Variants in TMEM132D observed in about 807,000 individuals in gnomAD.
The protein encoded by TMEM132D is mature OL transmembrane protein.
TMEM132D carries 21 observed loss-of-function variants against 62.3 expected under a neutral mutation model. The observed-to-expected ratio is 0.34, with a 90% CI of 0.24 to 0.49. The LOEUF is 0.49. Among genes scored for constraint, TMEM132D ranks in the 20% least tolerant of loss-of-function variants. TMEM132D has a pLI of 0.99. For synonymous variants in TMEM132D, 621 were observed against 575.6 expected (o/e 1.08, Z -1.13); for missense variants, 1,346 against 1,402.8 (o/e 0.96, Z 0.65).
chr12:129,878,909 CTT>C (rs1327364712), intron 1 of TMEM132D, among the ~76,000 whole-genome samples: 1 of 152,172 alleles, frequency 6.6e-6, no homozygotes, highest in Non-Finnish European at 1.5e-5. Context: ...ATACACCTGT[CTT>C]GGCACCTGGA....
intron 3 of TMEM132D, among the ~76,000 whole-genome samples, chr12:129,492,500 A>G (rs1874826262): frequency 6.6e-6 from 1 of 152,174 alleles, no homozygotes; most frequent in African/African-American, 2.4e-5. Context: ...AAATATAACT[A>G]CATGTAGCCC....
intron 2 of TMEM132D, among the ~76,000 whole-genome samples, chr12:129,541,770 C>A (rs1180474772): frequency 6.6e-6 from 1 of 152,174 alleles, no homozygotes; most frequent in African/African-American, 2.4e-5. Flanking sequence ...ATAATGAACC[C>A]TAAGCCATGT....
In TMEM132D at chr12:129,531,172, G is replaced by A. The variant is rs943908670; in HGVS notation, c.1002C>T (p.Gly334=). 18 of 1,612,978 alleles carry A rather than the reference G, an allele frequency of 1.1e-5. No individual in the cohort carries two copies. Among genetic ancestry groups the A allele is most frequent in the Non-Finnish European group, 1.4e-5 (17 of 1,179,756 alleles). Residue 334 remains glycine, a synonymous_variant, in exon 3 of 9, where the codon GGC becomes GGT. Coordinates refer to ENST00000422113, the MANE Select transcript of TMEM132D (RefSeq NM_133448.3). Reference sequence around the variant, plus strand: ...AAATGGAAGGGCTGCTGGCTCGCACGCCGATGATGTTCACGCCTTTCTTCA... The same window carrying A: ...AAATGGAAGGGCTGCTGGCTCGCACACCGATGATGTTCACGCCTTTCTTCA... The part of the protein sequence containing the change: ...AKVKKGVNII[G]VRASSPSIWD...
At chr12:129,519,940 CA>C (rs1193221360) in intron 3 of TMEM132D, among the ~76,000 whole-genome samples, 3 of 152,088 alleles carry the variant, frequency 2.0e-5, no homozygotes, top group Non-Finnish European at 2.9e-5. Flanking sequence ...ATCAAGGAAA[CA>C]ACCAGGAGAA....
chr12:129,618,348 C>T (rs577952560), intron 2 of TMEM132D, among the ~76,000 whole-genome samples: 1 of 152,256 alleles, frequency 6.6e-6, no homozygotes, highest in African/African-American at 2.4e-5. Context: ...ATGCTTCAGC[C>T]ATCATACCAA....
intron 1 of TMEM132D, among the ~76,000 whole-genome samples, chr12:129,770,247 G>A (rs189394364): frequency 5.3e-4 from 76 of 143,642 alleles, no homozygotes; most frequent in African/African-American, 1.4e-3. Flanking sequence ...GGGTTCAAGC[G>A]ATTGTCCTGC....
intron 3 of TMEM132D, among the ~76,000 whole-genome samples, chr12:129,525,652 G>A (rs569209599): frequency 1.3e-5 from 2 of 152,252 alleles, no homozygotes; most frequent in East Asian, 3.9e-4. Flanking sequence ...AACAGTCCAG[G>A]GAAGGCTGGC....
intron 5 of TMEM132D, among the ~76,000 whole-genome samples, chr12:129,114,639 C>T (rs1316904501): frequency 6.6e-6 from 1 of 152,188 alleles, no homozygotes; most frequent in Non-Finnish European, 1.5e-5. Context: ...AGAACACTGT[C>T]ATCCTGCCAG....
At chr12:129,256,201 A>T (rs1260788336) in intron 4 of TMEM132D, among the ~76,000 whole-genome samples, 2 of 150,808 alleles carry the variant, frequency 1.3e-5, no homozygotes, top group Non-Finnish European at 3.0e-5. Context: ...TGCCTCAGCC[A>T]CTTAGCACAT....
intron 4 of TMEM132D, among the ~76,000 whole-genome samples, chr12:129,259,487 T>C (rs965966779): frequency 6.6e-6 from 1 of 152,072 alleles, no homozygotes; most frequent in African/African-American, 2.4e-5. Flanking sequence ...AAGATGAAGT[T>C]GGAAAGGGAG....
At chr12:129,635,542 G>C (rs1565930933) in intron 2 of TMEM132D, among the ~76,000 whole-genome samples, 1 of 152,180 alleles carries the variant, frequency 6.6e-6, no homozygotes, top group South Asian at 2.1e-4. Context: ...GCAGACACCT[G>C]TTCCCCAGTG....
At chr12:129,556,397 G>A (rs571396682) in intron 2 of TMEM132D, among the ~76,000 whole-genome samples, 7 of 152,100 alleles carry the variant, frequency 4.6e-5, no homozygotes, top group Admixed American at 1.3e-4. Context: ...CAAGCTGAGC[G>A]CAAATCCTAG....
At chr12:129,675,556 T>G (rs966164062) in intron 2 of TMEM132D, among the ~76,000 whole-genome samples, 1 of 152,006 alleles carries the variant, frequency 6.6e-6, no homozygotes, top group Non-Finnish European at 1.5e-5. Flanking sequence ...AAAATAAAAT[T>G]ATCGTGTATG....
chr12:129,791,105 C>T (rs1871390386), intron 1 of TMEM132D, among the ~76,000 whole-genome samples: 1 of 152,146 alleles, frequency 6.6e-6, no homozygotes, highest in Non-Finnish European at 1.5e-5. Flanking sequence ...CAATTGCATA[C>T]ATTTATTTAA....
chr12:129,582,244 G>A (rs1341204886), intron 2 of TMEM132D, among the ~76,000 whole-genome samples: 1 of 152,188 alleles, frequency 6.6e-6, no homozygotes, highest in East Asian at 1.9e-4. Context: ...GATGTTTTGG[G>A]AGCACGTAGA....
chr12:129,749,073 C>T (rs141202362), intron 1 of TMEM132D, among the ~76,000 whole-genome samples: 3 of 152,328 alleles, frequency 2.0e-5, no homozygotes, highest in East Asian at 1.9e-4. Context: ...GATGCTGCTG[C>T]GCTCCATCCA....
chr12:129,689,201 G>A (rs377731477), intron 2 of TMEM132D, among the ~76,000 whole-genome samples: 2 of 152,228 alleles, frequency 1.3e-5, no homozygotes, highest in East Asian at 3.9e-4. Flanking sequence ...AAGGTCACAT[G>A]GTGACCTTCT....
intron 3 of TMEM132D, among the ~76,000 whole-genome samples, chr12:129,440,999 G>C (rs1226413905): frequency 6.6e-6 from 1 of 152,192 alleles, no homozygotes; most frequent in Non-Finnish European, 1.5e-5. Context: ...GTCTTCACTT[G>C]TCCAGCTTTG....
At chr12:129,696,297 T>C (rs1881205870) in intron 2 of TMEM132D, among the ~76,000 whole-genome samples, 1 of 152,216 alleles carries the variant, frequency 6.6e-6, no homozygotes, top group East Asian at 1.9e-4. Flanking sequence ...TCCAACCTGG[T>C]CTTAAAGCCA....
Sources: gnomAD v4.1 joint callset for allele counts (sites outside exome capture counted in the v4.1 genomes callset) on GRCh38, gnomAD v4.1.1 for gene constraint, MANE v1.5 for transcripts, NCBI Gene and HGNC (gene_info 2026-07-23, HGNC 2026-07-21) for gene names.